Variants in ME3 observed in about 807,000 individuals in gnomAD.
ME3 encodes malic enzyme 3, also known as NADP-dependent malic enzyme, mitochondrial.
ME3 carries 48 observed loss-of-function variants against 68.9 expected under a neutral mutation model. That is an observed-to-expected ratio of 0.70 (90% CI 0.55 to 0.89). ME3 has a LOEUF of 0.89. Among genes scored for constraint, ME3 ranks in the 40% least tolerant of loss-of-function variants. The pLI, the probability that ME3 is intolerant of heterozygous loss-of-function variation, is 0.00. For missense variants in ME3, 675 were observed against 797.4 expected (o/e 0.85, Z 1.85); for synonymous variants, 320 against 318.8 (o/e 1.00, Z -0.04).
chr11:86,600,366 T>C (rs1230236021), intron 2 of ME3, among the ~76,000 whole-genome samples: 1 of 152,206 alleles, frequency 6.6e-6, no homozygotes, highest in Non-Finnish European at 1.5e-5. Context: ...GGCCATTACA[T>C]AATGGTGAAG....
At chr11:86,497,468 A>G (rs1005312463) in intron 6 of ME3, among the ~76,000 whole-genome samples, 1 of 152,192 alleles carries the variant, frequency 6.6e-6, no homozygotes, top group Non-Finnish European at 1.5e-5. Context: ...GGACTCCTGC[A>G]GCTGGATCTC....
intron 13 of ME3, among the ~76,000 whole-genome samples, chr11:86,444,624 G>A (rs1443680232): frequency 6.6e-6 from 1 of 152,180 alleles, no homozygotes; most frequent in African/African-American, 2.4e-5. Flanking sequence ...CTTCAGCAGG[G>A]AGTCAAGTTG....
intron 2 of ME3, among the ~76,000 whole-genome samples, chr11:86,560,735 T>G (rs1957172923): frequency 1.5e-5 from 1 of 67,838 alleles, no homozygotes; most frequent in African/African-American, 4.6e-5. Context: ...TATGTGTGTG[T>G]GTGTGTGTGT....
At chr11:86,653,193 G>C (rs1268057947) in intron 2 of ME3, among the ~76,000 whole-genome samples, 2 of 152,092 alleles carry the variant, frequency 1.3e-5, no homozygotes, top group Non-Finnish European at 2.9e-5. Context: ...GAACGAGACA[G>C]AAAGTTAACA....
intron 4 of ME3, among the ~76,000 whole-genome samples, chr11:86,521,974 G>T (rs1163048178): frequency 6.6e-6 from 1 of 152,212 alleles, no homozygotes; most frequent in African/African-American, 2.4e-5. Flanking sequence ...AAAAGGCCGG[G>T]CATGGTGACT....
At chr11:86,566,065 C>G (rs1957466613) in intron 2 of ME3, among the ~76,000 whole-genome samples, 1 of 152,182 alleles carries the variant, frequency 6.6e-6, no homozygotes, top group Admixed American at 6.5e-5. Flanking sequence ...TGCCCTGGCA[C>G]TGGAGCTCCT....
intron 2 of ME3, among the ~76,000 whole-genome samples, chr11:86,600,117 G>A (rs1389973602): frequency 5.3e-5 from 8 of 152,290 alleles, no homozygotes; most frequent in Non-Finnish European, 1.0e-4. Context: ...AGCTTTAAAT[G>A]TAAATGGACT....
chr11:86,504,019 A>G (rs924817026), intron 5 of ME3, among the ~76,000 whole-genome samples: 6 of 152,242 alleles, frequency 3.9e-5, no homozygotes, highest in Non-Finnish European at 8.8e-5. Flanking sequence ...CTGAAAAGCA[A>G]GTCCCACAAA....
chr11:86,618,299 CAAA>C (rs55824426), intron 2 of ME3, among the ~76,000 whole-genome samples: 2 of 55,932 alleles, frequency 3.6e-5, no homozygotes, highest in Admixed American at 5.5e-4. Flanking sequence ...GGCTCTGTCT[CAAA>C]AAAAAAAAAA....
Position 86,662,267 on chromosome 11 carries a change from G to A in ME3, c.183+9495C>T, listed in dbSNP as rs148899897. ...GTTCAAGACTCAGTTCTGCCACTAT[G>A]AGTTGTATGACCTAGGGCAAGTTAG... On this transcript the variant is annotated intron_variant, in intron 2 of 14. Coordinates refer to ENST00000543262, the Ensembl canonical transcript of ME3. 4.3e-4 allele frequency among the ~76,000 whole-genome samples: 66 copies of A among 152,304 alleles called. 1 individual carries two copies. In the East Asian group the frequency reaches 0.012, roughly 27 times the overall value.
At chr11:86,664,846 TCTTCCCTGG>T (rs1946494640) in intron 2 of ME3, among the ~76,000 whole-genome samples, 1 of 152,220 alleles carries the variant, frequency 6.6e-6, no homozygotes, top group Admixed American at 6.5e-5. Flanking sequence ...AGGACCTCCT[TCTTCCCTGG>T]GCTCTGCTTA....
At chr11:86,650,687 T>A (rs1483561354) in intron 2 of ME3, among the ~76,000 whole-genome samples, 1 of 152,144 alleles carries the variant, frequency 6.6e-6, no homozygotes, top group East Asian at 1.9e-4. Context: ...AGATGAATGA[T>A]TTATGCATTT....
chr11:86,648,795 CAATAACA>C (rs1158953721), intron 2 of ME3, among the ~76,000 whole-genome samples: 1 of 151,950 alleles, frequency 6.6e-6, no homozygotes, highest in Non-Finnish European at 1.5e-5. Flanking sequence ...ATGATTAGAC[CAATAACA>C]AGTTCTGAAA....
rs115452528 is a variant in ME3, at chr11:86,492,933, G to C, written c.705+5030C>G. Among the ~76,000 whole-genome samples the C allele has an allele frequency of 8.9e-3, 1,348 of 152,280 alleles. 14 individuals are homozygous for C. Among genetic ancestry groups the C allele is most frequent in the African/African-American group, 0.031 (1,271 of 41,556 alleles). ...AACCTGGGGGTCTGGGAGGTCACGG[G>C]ATTGGGTTCACGCTGTGGGCACAGC... On this transcript the variant is annotated intron_variant, in intron 6 of 14. Coordinates refer to ENST00000543262, the Ensembl canonical transcript of ME3.
intron 2 of ME3, among the ~76,000 whole-genome samples, chr11:86,641,359 T>A (rs997322493): frequency 2.6e-5 from 4 of 152,206 alleles, no homozygotes; most frequent in African/African-American, 9.6e-5. Context: ...CTGAGTGGGT[T>A]GATGGGAACT....
chr11:86,501,175 TATA>T (rs5793199), intron 5 of ME3, among the ~76,000 whole-genome samples: 4 of 147,136 alleles, frequency 2.7e-5, no homozygotes, highest in African/African-American at 5.0e-5. Context: ...ATAAAATGCA[TATA>T]ATAATAATAA....
At chr11:86,463,631 C>T (rs1174443646) in intron 8 of ME3, among the ~76,000 whole-genome samples, 1 of 152,200 alleles carries the variant, frequency 6.6e-6, no homozygotes, top group East Asian at 1.9e-4. Context: ...CTCTGGATAC[C>T]CACTCTTCAG....
At chr11:86,529,377 C>A (rs549970841) in intron 4 of ME3, among the ~76,000 whole-genome samples, 1 of 152,076 alleles carries the variant, frequency 6.6e-6, no homozygotes, top group African/African-American at 2.4e-5. Flanking sequence ...AGCTTACCAA[C>A]CAAAAAAAGT....
intron 2 of ME3, among the ~76,000 whole-genome samples, chr11:86,628,022 C>T (rs540485432): frequency 1.3e-5 from 2 of 152,346 alleles, no homozygotes; most frequent in Admixed American, 1.3e-4. Context: ...CTGTGCTACG[C>T]AGCCTGAGAG....
Sources: allele counts gnomAD v4.1 joint callset (sites outside exome capture counted in the v4.1 genomes callset), GRCh38; gene constraint gnomAD v4.1.1; transcripts MANE v1.5; gene names NCBI Gene and HGNC (gene_info 2026-07-23, HGNC 2026-07-21).